AP3D1: variants seen among roughly 807,000 people sequenced by gnomAD.
AP3D1 encodes adaptor related protein complex 3 subunit delta 1.
In AP3D1, 51 loss-of-function variants were observed where a neutral mutation model predicts 147.6. The observed-to-expected ratio is 0.35, with a 90% CI of 0.28 to 0.44. The LOEUF (loss-of-function observed/expected upper bound fraction) is 0.44, where lower values mean the gene tolerates loss of function less well. AP3D1 is among the 20% of genes least tolerant of loss of function. The pLI is 1.00. For missense variants in AP3D1, 1,421 were observed against 1,624.2 expected (o/e 0.87, Z 2.15); for synonymous variants, 760 against 663.0 (o/e 1.15, Z -2.25).
chr19:2,102,386 G>C, intron 31 of AP3D1, 118 bp from the exon 32 acceptor site: 1 of 824,302 alleles, frequency 1.2e-6, no homozygotes, highest in Non-Finnish European at 2.0e-6. Context: ...CTGAGGTCAG[G>C]AGTTCAAAAC....
chr19:2,127,963 G>A (rs1302715272), intron 8 of AP3D1, among the ~76,000 whole-genome samples: 1 of 152,234 alleles, frequency 6.6e-6, no homozygotes, highest in African/African-American at 2.4e-5. Context: ...AGTGTGGCGA[G>A]CTTCAGCAGT....
intron 1 of AP3D1, among the ~76,000 whole-genome samples, chr19:2,142,674 G>A (rs956539898): frequency 3.9e-5 from 6 of 152,228 alleles, no homozygotes; most frequent in African/African-American, 1.4e-4. Context: ...CATGCAGGCT[G>A]AGGGCCTGGG....
chr19:2,163,230 C>T lies in AP3D1; in HGVS notation c.-103+1126G>A, dbSNP rs192161612. On this transcript the variant is annotated intron_variant, in intron 1 of 14. Coordinates refer to the AP3D1 transcript ENST00000643010. ...CTGGGATTACAGGCGCCCGCCACCGCGCCCAGCTAATTTTTGTATTTTTAA... is the reference window on the plus strand; with the variant it reads ...CTGGGATTACAGGCGCCCGCCACCGTGCCCAGCTAATTTTTGTATTTTTAA... Among the ~76,000 whole-genome samples the T allele has an allele frequency of 4.6e-4, 70 of 152,160 alleles. 1 individual carries two copies. The highest frequency in any genetic ancestry group is 1.9e-4 in the East Asian group (1 of 5,168).
intron 16 of AP3D1, 127 bp from the exon 17 acceptor site, chr19:2,116,873 C>A: frequency 1.6e-6 from 2 of 1,275,544 alleles, no homozygotes; most frequent in South Asian, 1.6e-5. Flanking sequence ...CTGCCACCCA[C>A]ACAGGGCCAG....
At chr19:2,103,498 C>T (rs1488229830) in intron 31 of AP3D1, among the ~76,000 whole-genome samples, 7 of 152,144 alleles carry the variant, frequency 4.6e-5, no homozygotes, top group African/African-American at 1.7e-4. Context: ...GAGGGAGGTA[C>T]GCGGGGAAAG....
At chr19:2,115,128 G>T in intron 20 of AP3D1, 91 bp downstream of exon 20, 1 of 1,357,324 alleles carries the variant, frequency 7.4e-7, no homozygotes, top group Non-Finnish European at 1.0e-6. Context: ...CACCAACGAA[G>T]ACCATGGGGA....
intron 4 of AP3D1, among the ~76,000 whole-genome samples, chr19:2,133,836 G>A (rs934117127): frequency 5.9e-5 from 9 of 151,370 alleles, no homozygotes; most frequent in African/African-American, 1.2e-4. Context: ...GTGGCCGTGC[G>A]CGGTGGCTCA....
rs2018479097 is a variant in AP3D1, at chr19:2,117,151, C to CG, written c.1859+70dup. The CG allele has an allele frequency of 2.7e-6, 4 of 1,505,194 alleles. No individual in the cohort carries two copies. In the South Asian group the frequency reaches 5.4e-5, roughly 20 times the overall value. 93.2% of individuals were successfully genotyped at this position (1,505,194 alleles called of 1,614,324 possible). A position where few individuals can be genotyped will look rare whatever the true frequency, so the allele number is the denominator to read the frequency against. On this transcript the variant is annotated intron_variant, in intron 16 of 31. Coordinates refer to ENST00000643116, the MANE Select transcript of AP3D1 (RefSeq NM_001261826.3). ...GGCTGTTCAGGGGTGCAGGAGCCCC[C>CG]GCTGTGCCACCAGGCATCAAGGGAC... is the stretch of plus-strand genomic sequence containing the variant.
chr19:2,114,411 C>A (rs909793830), intron 21 of AP3D1, 109 bp from the exon 22 acceptor site: 3 of 919,358 alleles, frequency 3.3e-6, no homozygotes, highest in African/African-American at 3.3e-5. Context: ...GCTCCTCCAG[C>A]CCCTGGCCCC....
At chr19:2,139,886 CAT>C (rs979217323) in intron 1 of AP3D1, among the ~76,000 whole-genome samples, 3 of 151,526 alleles carry the variant, frequency 2.0e-5, no homozygotes, top group Non-Finnish European at 1.5e-5. Flanking sequence ...ACCCACCACT[CAT>C]GTGTCACCCA....
intron 8 of AP3D1, among the ~76,000 whole-genome samples, chr19:2,127,509 TAG>T: frequency 6.6e-6 from 1 of 152,192 alleles, no homozygotes; most frequent in East Asian, 1.9e-4. Flanking sequence ...GCATCTTTTC[TAG>T]AGTTTTTTTT....
chr19:2,111,121 T>C, intron 26 of AP3D1, 164 bp downstream of exon 26: 10 of 1,003,728 alleles, frequency 1.0e-5, no homozygotes, highest in Admixed American at 2.5e-5. Context: ...GTCTCCAACC[T>C]TACCCCAAGC....
intron 1 of AP3D1, among the ~76,000 whole-genome samples, chr19:2,161,411 C>CT (rs1293494219): frequency 6.6e-6 from 1 of 152,002 alleles, no homozygotes; most frequent in Non-Finnish European, 1.5e-5. Flanking sequence ...ATCCGCCCCC[C>CT]TCAGCCTCCC....
intron 1 of AP3D1, among the ~76,000 whole-genome samples, chr19:2,139,916 C>T (rs71337086): frequency 2.4e-3 from 350 of 145,710 alleles, no homozygotes; most frequent in Middle Eastern, 6.9e-3. Context: ...ACCCCAACCT[C>T]GGCTGCCAGC....
At chr19:2,127,930 A>G (rs2018804365) in intron 8 of AP3D1, among the ~76,000 whole-genome samples, 1 of 152,236 alleles carries the variant, frequency 6.6e-6, no homozygotes, top group Non-Finnish European at 1.5e-5. Context: ...AGCCAGGAGA[A>G]TGGCCACGCG....
At position 2,111,670 on chromosome 19, in the gene AP3D1, A is replaced by AC; in HGVS notation, c.2937+8dup. 6.3e-7 allele frequency: 1 copy of AC among 1,580,052 alleles called. No homozygotes were observed. Among genetic ancestry groups the AC allele is most frequent in the East Asian group, 2.3e-5 (1 of 43,370 alleles). ...CGGCGTGGGGCGGGGGCGCTGAAGT[A>AC]CCCCTCACCGGGAGCTGCTCCTCCT... On this transcript the variant is annotated intron_variant, in intron 25 of 31. Transcript: ENST00000643116.
chr19:2,132,165 G>A (rs116099269), intron 5 of AP3D1, among the ~76,000 whole-genome samples: 36 of 152,258 alleles, frequency 2.4e-4, no homozygotes, highest in African/African-American at 8.7e-4. Context: ...GAAGCCCACT[G>A]GCAGCTCAGA....
At chr19:2,104,341 G>GGC (rs1365783545) in intron 31 of AP3D1, among the ~76,000 whole-genome samples, 5 of 133,812 alleles carry the variant, frequency 3.7e-5, no homozygotes, top group East Asian at 2.0e-4. Context: ...CCAATGCCGA[G>GGC]ACCGCAACAC....
intron 4 of AP3D1, among the ~76,000 whole-genome samples, chr19:2,133,950 TA>T (rs1306758331): frequency 6.6e-6 from 1 of 150,740 alleles, no homozygotes; most frequent in Admixed American, 6.6e-5. Context: ...TCTCCTAAAA[TA>T]AAAAAAATTA....
Sources: gnomAD v4.1 joint callset for allele counts (sites outside exome capture counted in the v4.1 genomes callset) on GRCh38, gnomAD v4.1.1 for gene constraint, MANE v1.5 for transcripts, NCBI Gene and HGNC (gene_info 2026-07-23, HGNC 2026-07-21) for gene names.